Variants in NBEA observed in about 807,000 individuals in gnomAD.
The protein encoded by NBEA is neurobeachin, also known as lysosomal-trafficking regulator 2.
A neutral mutation model predicts 343.4 loss-of-function variants in NBEA; 44 were observed. That is an observed-to-expected ratio of 0.13 (90% CI 0.10 to 0.16). The LOEUF is 0.16. NBEA is among the 10% of genes least tolerant of loss of function. The pLI is 1.00. For missense variants in NBEA, 2,555 were observed against 3,631.3 expected, an observed-to-expected ratio of 0.70 and a Z score of 7.62; for synonymous variants, 1,175 against 1,238.7, an observed-to-expected ratio of 0.95 and a Z score of 1.08.
chr13:35,651,960 T>C (rs898969845), intron 53 of NBEA, 84 bp downstream of exon 53: 2 of 792,598 alleles, frequency 2.5e-6, no homozygotes, highest in Admixed American at 4.7e-5. Flanking sequence ...AGTTGAACAA[T>C]ATTTTTTCTA....
chr13:35,125,553 AGAAAG>A (rs746550497), intron 17 of NBEA, among the ~76,000 whole-genome samples: 2 of 152,162 alleles, frequency 1.3e-5, no homozygotes, highest in African/African-American at 2.4e-5. Flanking sequence ...GTGGCTATAG[AGAAAG>A]GAAAGTTTGT....
intron 42 of NBEA, 37 bp from the exon 43 acceptor site, chr13:35,550,893 G>T (rs890089878): frequency 2.3e-6 from 3 of 1,297,924 alleles, no homozygotes; most frequent in South Asian, 1.3e-5. Flanking sequence ...CTTATCCTGC[G>T]GTTTTCTAAA....
chr13:35,668,374 C>A lies in NBEA; in HGVS notation c.8668C>A (p.Leu2890Ile). Reference sequence around the variant, plus strand: ...TGTTTTACCTTTTCTGAAGGCCATTCTCCTGAGCAGTGACGGCCAGAACCT... The same window carrying A: ...TGTTTTACCTTTTCTGAAGGCCATTATCCTGAGCAGTGACGGCCAGAACCT... ...MEINDSTRAI[L>I]LSSDGQNLVT... Residue 2890 changes from leucine (L) to isoleucine (I), a missense_variant, in exon 58 of 59, where the codon CTC (leucine) becomes ATC (isoleucine). By Grantham distance (5) the Leu-to-Ile change is conservative. Around this residue, in one of 21 missense-constraint regions of NBEA, gnomAD observed 186 missense variants for 328.9 expected, o/e 0.57. Coordinates refer to ENST00000379939, the MANE Select transcript of NBEA (RefSeq NM_001385012.1). 1 of 1,602,046 alleles carries A rather than the reference C, an allele frequency of 6.2e-7. No individual in the cohort carries two copies. The highest frequency in any genetic ancestry group is 1.1e-5 in the South Asian group (1 of 89,528).
intron 43 of NBEA, among the ~76,000 whole-genome samples, chr13:35,553,912 G>C (rs2079463122): frequency 6.6e-6 from 1 of 152,100 alleles, no homozygotes; most frequent in African/African-American, 2.4e-5. Flanking sequence ...ATCTTTTTCA[G>C]TGACACCTCT....
At chr13:35,286,210 A>G (rs2035414890) in intron 34 of NBEA, among the ~76,000 whole-genome samples, 2 of 152,082 alleles carry the variant, frequency 1.3e-5, no homozygotes, top group Admixed American at 6.6e-5. Context: ...ACATTAGACA[A>G]TATGTTTGGT....
chr13:35,345,085 G>T (rs566030535), intron 36 of NBEA, among the ~76,000 whole-genome samples: 19 of 152,140 alleles, frequency 1.2e-4, no homozygotes, highest in African/African-American at 4.3e-4. Context: ...ATGAATGCAG[G>T]AGTTGTTCAT....
chr13:35,380,280 A>C (rs551495504), intron 38 of NBEA, among the ~76,000 whole-genome samples: 1 of 152,060 alleles, frequency 6.6e-6, no homozygotes, highest in Non-Finnish European at 1.5e-5. Context: ...CCCTATCCCT[A>C]CTACAAATAC....
chr13:35,134,375 G>A (rs1267541556), intron 17 of NBEA, among the ~76,000 whole-genome samples: 2 of 151,322 alleles, frequency 1.3e-5, no homozygotes, highest in Non-Finnish European at 3.0e-5. Context: ...AAAAAAAGGC[G>A]GGTCATGTCC....
chr13:35,193,790 C>G (rs920238706), intron 30 of NBEA, among the ~76,000 whole-genome samples: 1 of 151,800 alleles, frequency 6.6e-6, no homozygotes, highest in Admixed American at 6.6e-5. Flanking sequence ...ACAGATTAAT[C>G]TATTCTTTCA....
chr13:35,447,028 T>C (rs73502792), intron 39 of NBEA, among the ~76,000 whole-genome samples: 27,002 of 152,034 alleles, frequency 0.18, 2,745 homozygotes, highest in South Asian at 0.3. Flanking sequence ...TTTATTAGTA[T>C]AGATGTTTTA....
intron 36 of NBEA, among the ~76,000 whole-genome samples, chr13:35,325,514 C>G (rs186802021): frequency 6.6e-6 from 1 of 151,778 alleles, no homozygotes; most frequent in African/African-American, 2.4e-5. Context: ...TATGAGATAT[C>G]GTAATACTGA....
chr13:35,647,692 G>C (rs183417242), intron 51 of NBEA, among the ~76,000 whole-genome samples: 1 of 151,928 alleles, frequency 6.6e-6, no homozygotes, highest in Non-Finnish European at 1.5e-5. Flanking sequence ...TTAGCCTCCC[G>C]AGTAGCCGGG....
chr13:35,415,881 C>G (rs1370340721), intron 38 of NBEA, among the ~76,000 whole-genome samples: 1 of 152,150 alleles, frequency 6.6e-6, no homozygotes, highest in Non-Finnish European at 1.5e-5. Flanking sequence ...GAATGTTCTT[C>G]CATTCGTTTG....
intron 34 of NBEA, among the ~76,000 whole-genome samples, chr13:35,286,715 A>G (rs2035447708): frequency 6.6e-6 from 1 of 152,094 alleles, no homozygotes; most frequent in Non-Finnish European, 1.5e-5. Flanking sequence ...CCAAGCTTCT[A>G]ACTTTATACT....
chr13:35,280,845 T>C (rs1380625425), intron 34 of NBEA, among the ~76,000 whole-genome samples: 2 of 152,118 alleles, frequency 1.3e-5, no homozygotes, highest in East Asian at 3.9e-4. Context: ...AAAATATAAC[T>C]CACTTTGTAA....
At position 35,490,202 on chromosome 13, in the gene NBEA, A is replaced by G. The variant is rs1303555276; in HGVS notation, c.6585+17666A>G. 2.6e-5 allele frequency among the ~76,000 whole-genome samples: 4 copies of G among 151,960 alleles called. No homozygotes were observed. The East Asian group carries it at 7.7e-4, about 29-fold the overall frequency. ...AAGCCTTATACTCAGTAAATAAGAT[A>G]GTGGAGCCACTTCAGCTAAGTAGTT... On this transcript the variant is annotated intron_variant, in intron 41 of 58. Coordinates refer to ENST00000379939, the MANE Select transcript of NBEA (RefSeq NM_001385012.1).
intron 35 of NBEA, among the ~76,000 whole-genome samples, chr13:35,293,461 G>A (rs2035924731): frequency 6.6e-6 from 1 of 151,472 alleles, no homozygotes; most frequent in Admixed American, 6.6e-5. Context: ...TTTAAAAATT[G>A]GTTTCATATC....
intron 39 of NBEA, among the ~76,000 whole-genome samples, chr13:35,446,793 A>C (rs1035683431): frequency 2.0e-5 from 3 of 152,068 alleles, no homozygotes; most frequent in African/African-American, 7.2e-5. Context: ...CATTAGATAG[A>C]TACACATATA....
At chr13:35,212,026 C>T (rs1249041371) in intron 33 of NBEA, among the ~76,000 whole-genome samples, 3 of 144,138 alleles carry the variant, frequency 2.1e-5, no homozygotes, top group South Asian at 2.2e-4. Context: ...CACACACACA[C>T]GTATGTATTC....
Sources: allele counts gnomAD v4.1 joint callset (sites outside exome capture counted in the v4.1 genomes callset), GRCh38; gene constraint gnomAD v4.1.1; regional missense constraint gnomAD v4.1.1; transcripts MANE v1.5; gene names NCBI Gene and HGNC (gene_info 2026-07-23, HGNC 2026-07-21).